ASTN2: variants seen among roughly 807,000 people sequenced by gnomAD.
ASTN2 encodes the protein astrotactin-2.
ASTN2 carries 54 observed loss-of-function variants against 139.8 expected under a neutral mutation model. The ratio of observed to expected loss-of-function variants is 0.39; its 90% confidence interval spans 0.31 to 0.48. ASTN2 has a LOEUF of 0.48. ASTN2 is among the 20% of genes least tolerant of loss of function. ASTN2 has a pLI of 0.95. For missense variants in ASTN2, 1,565 were observed against 1,725.1 expected, an observed-to-expected ratio of 0.91 and a Z score of 1.64; for synonymous variants, 756 against 719.5, an observed-to-expected ratio of 1.05 and a Z score of -0.81.
At chr9:117,187,632 C>G (rs546311957) in intron 3 of ASTN2, among the ~76,000 whole-genome samples, 1 of 152,146 alleles carries the variant, frequency 6.6e-6, no homozygotes, top group African/African-American at 2.4e-5. Flanking sequence ...CTGTCTGTCA[C>G]GAGTCTCCCT....
At chr9:116,995,188 T>C (rs920595826) in intron 7 of ASTN2, among the ~76,000 whole-genome samples, 1 of 152,210 alleles carries the variant, frequency 6.6e-6, no homozygotes, top group Non-Finnish European at 1.5e-5. Context: ...CTTCAAGAGA[T>C]CAGGAATCAG....
intron 1 of ASTN2, among the ~76,000 whole-genome samples, chr9:117,298,700 G>A (rs868731190): frequency 1.6e-4 from 13 of 79,368 alleles, no homozygotes; most frequent in South Asian, 3.9e-4. Flanking sequence ...ATGTGCATAT[G>A]TATGTGTGTG....
chr9:117,059,170 G>A (rs1285605234), intron 5 of ASTN2, among the ~76,000 whole-genome samples: 1 of 152,180 alleles, frequency 6.6e-6, no homozygotes, highest in Non-Finnish European at 1.5e-5. Context: ...TACAGTTGGG[G>A]ATGGAATTGC....
chr9:116,995,087 C>A (rs1253567944), intron 7 of ASTN2, among the ~76,000 whole-genome samples: 1 of 152,064 alleles, frequency 6.6e-6, no homozygotes, highest in East Asian at 1.9e-4. Context: ...CCATTTGAAT[C>A]CAGAGTGCAA....
chr9:116,708,548 T>C (rs1171253838), intron 16 of ASTN2, among the ~76,000 whole-genome samples: 1 of 152,110 alleles, frequency 6.6e-6, no homozygotes, highest in East Asian at 1.9e-4. Flanking sequence ...ATCATACTGA[T>C]CACATCATCC....
At chr9:117,022,991 TACGACA>T in intron 6 of ASTN2, among the ~76,000 whole-genome samples, 1 of 146,702 alleles carries the variant, frequency 6.8e-6, no homozygotes, top group South Asian at 2.2e-4. Context: ...CAAACAAACA[TACGACA>T]ACAACAACAA....
At chr9:116,987,667 C>T (rs1166227980) in intron 7 of ASTN2, among the ~76,000 whole-genome samples, 2 of 152,160 alleles carry the variant, frequency 1.3e-5, no homozygotes, top group Non-Finnish European at 2.9e-5. Flanking sequence ...CCCATATTTA[C>T]TATGTTTTTT....
chr9:116,879,374 GACA>G, intron 10 of ASTN2, among the ~76,000 whole-genome samples: 1 of 150,396 alleles, frequency 6.6e-6, no homozygotes, highest in Admixed American at 6.6e-5. Context: ...CAGACAGACA[GACA>G]GACAGACAGA....
intron 3 of ASTN2, among the ~76,000 whole-genome samples, chr9:117,149,052 C>T (rs1280294118): frequency 6.6e-6 from 1 of 151,868 alleles, no homozygotes; most frequent in Non-Finnish European, 1.5e-5. Flanking sequence ...CGGAGTCTCA[C>T]TCCATTGCCC....
intron 2 of ASTN2, among the ~76,000 whole-genome samples, chr9:117,229,519 C>A (rs190817593): frequency 6.6e-6 from 1 of 152,174 alleles, no homozygotes; most frequent in Non-Finnish European, 1.5e-5. Flanking sequence ...TCAGCGATAG[C>A]GTCCCCAAAC....
intron 19 of ASTN2, among the ~76,000 whole-genome samples, chr9:116,539,844 G>A (rs1410520100): frequency 6.6e-6 from 1 of 152,174 alleles, no homozygotes; most frequent in Non-Finnish European, 1.5e-5. Context: ...GATTACAGGT[G>A]ACTGAAACTG....
chr9:117,230,515 A>G (rs1211998766), intron 2 of ASTN2, among the ~76,000 whole-genome samples: 1 of 152,128 alleles, frequency 6.6e-6, no homozygotes, highest in Non-Finnish European at 1.5e-5. Flanking sequence ...TCCTTAATTA[A>G]TTACATCTAT....
intron 3 of ASTN2, among the ~76,000 whole-genome samples, chr9:117,182,034 T>C (rs574686675): frequency 6.6e-6 from 1 of 152,198 alleles, no homozygotes; most frequent in African/African-American, 2.4e-5. Flanking sequence ...GCCCCAAAGC[T>C]GTCAGGGGGC....
intron 16 of ASTN2, among the ~76,000 whole-genome samples, chr9:116,710,509 A>G (rs1362441610): frequency 1.5e-5 from 1 of 66,038 alleles, no homozygotes; most frequent in Admixed American, 1.2e-4. Flanking sequence ...GGAGGGGGGA[A>G]TCACCTGAGG....
At chr9:116,548,194 C>G (rs887842190) in intron 19 of ASTN2, among the ~76,000 whole-genome samples, 2 of 152,192 alleles carry the variant, frequency 1.3e-5, no homozygotes, top group African/African-American at 2.4e-5. Flanking sequence ...CTAAGCCAGG[C>G]TCTGGCAGTC....
At chr9:116,507,157 C>T (rs138996761) in intron 19 of ASTN2, among the ~76,000 whole-genome samples, 3 of 152,198 alleles carry the variant, frequency 2.0e-5, no homozygotes, top group South Asian at 2.1e-4. Context: ...GAAATGGAGA[C>T]GCAACATCAG....
intron 4 of ASTN2, among the ~76,000 whole-genome samples, chr9:117,100,233 G>A (rs2132762634): frequency 6.6e-6 from 1 of 152,236 alleles, no homozygotes; most frequent in East Asian, 1.9e-4. Flanking sequence ...TTTCCCTTCT[G>A]GTCAAGCCTC....
At chr9:117,047,305 T>C (rs186817161) in intron 5 of ASTN2, among the ~76,000 whole-genome samples, 231 of 152,344 alleles carry the variant, frequency 1.5e-3, no homozygotes, top group Non-Finnish European at 2.5e-3. Flanking sequence ...TGTCTCAATA[T>C]GGGACATATT....
chr9:117,266,701 C>T (rs1035721559), intron 2 of ASTN2, among the ~76,000 whole-genome samples: 1 of 152,046 alleles, frequency 6.6e-6, no homozygotes, highest in Admixed American at 6.6e-5. Flanking sequence ...TTATTATTTT[C>T]GTTTTGCTTT....
Sources: allele counts gnomAD v4.1 joint callset (sites outside exome capture counted in the v4.1 genomes callset), GRCh38; gene constraint gnomAD v4.1.1; transcripts MANE v1.5; gene names NCBI Gene and HGNC (gene_info 2026-07-23, HGNC 2026-07-21).